The following GPR158 variants were observed in gnomAD, a reference collection of about 807,000 sequenced individuals.
GPR158 encodes the protein G protein-coupled receptor 158.
A neutral mutation model predicts 78.2 loss-of-function variants in GPR158; 30 were observed. The ratio of observed to expected loss-of-function variants is 0.38; its 90% CI spans 0.29 to 0.52. The LOEUF (loss-of-function observed/expected upper bound fraction) is 0.52, where lower values mean the gene tolerates loss of function less well. Among genes scored for constraint, GPR158 ranks in the 20% least tolerant of loss-of-function variants. GPR158 has a pLI of 0.83. For missense variants in GPR158, 1,463 were observed against 1,523.5 expected (o/e 0.96, Z 0.66); for synonymous variants, 581 against 591.1 (o/e 0.98, Z 0.25).
rs1854495865 is a variant in GPR158 at position 25,295,299 on chromosome 10, G to A, written c.1008+74142G>A. 3.9e-5 allele frequency among the ~76,000 whole-genome samples: 6 copies of A among 152,190 alleles called. No individual in the cohort carries two copies. In the South Asian group the frequency reaches 1.2e-3, roughly 32 times the overall value. On this transcript the variant is annotated intron_variant, in intron 2 of 10. Coordinates refer to ENST00000376351, the MANE Select transcript of GPR158 (RefSeq NM_020752.3). Reference sequence around the variant, plus strand: ...GTCTTATGTGGTCTCCTAGCTGGCAGCTCTACATGTATGCTTGCACTCTGT... The same window carrying A: ...GTCTTATGTGGTCTCCTAGCTGGCAACTCTACATGTATGCTTGCACTCTGT...
chr10:25,596,920 G>C, intron 10 of GPR158, 131 bp downstream of exon 10: 2 of 729,546 alleles, frequency 2.7e-6, no homozygotes, highest in Non-Finnish European at 4.6e-6. Context: ...CAGAAAGAGG[G>C]AATGTGTTTG....
At chr10:25,179,565 T>G (rs1387193025) in intron 1 of GPR158, among the ~76,000 whole-genome samples, 1 of 152,172 alleles carries the variant, frequency 6.6e-6, no homozygotes, top group Non-Finnish European at 1.5e-5. Flanking sequence ...AAATATCTTC[T>G]TATATTGCTG....
chr10:25,224,458 T>A (rs1853345666), intron 2 of GPR158, among the ~76,000 whole-genome samples: 1 of 151,476 alleles, frequency 6.6e-6, no homozygotes, highest in Non-Finnish European at 1.5e-5. Flanking sequence ...TTTACAAGAT[T>A]GAGATGAAGA....
intron 9 of GPR158, among the ~76,000 whole-genome samples, chr10:25,594,684 G>T (rs141596642): frequency 3.8e-4 from 57 of 151,984 alleles, no homozygotes; most frequent in African/African-American, 1.3e-3. Context: ...AGCTGTAACA[G>T]CAAGATCATT....
intron 4 of GPR158, among the ~76,000 whole-genome samples, chr10:25,452,484 C>T (rs970147840): frequency 6.6e-6 from 1 of 152,118 alleles, no homozygotes; most frequent in Non-Finnish European, 1.5e-5. Flanking sequence ...CTGTTCTGGA[C>T]CTTGAAGTGG....
chr10:25,319,058 A>G (rs997832403), intron 2 of GPR158, among the ~76,000 whole-genome samples: 1 of 152,160 alleles, frequency 6.6e-6, no homozygotes, highest in Non-Finnish European at 1.5e-5. Flanking sequence ...CTCCTACTTG[A>G]CTGGTCCAGA....
intron 2 of GPR158, among the ~76,000 whole-genome samples, chr10:25,379,158 A>T (rs751145917): frequency 6.6e-6 from 1 of 152,122 alleles, no homozygotes; most frequent in Non-Finnish European, 1.5e-5. Context: ...TATTATTACT[A>T]TTACCATCTT....
At position 25,600,487 on chromosome 10, in the gene GPR158, A is replaced by G. The variant is rs1254617415; in HGVS notation, c.*1213A>G. Reference sequence around the variant, plus strand: ...CACTTTCAAGGGATTATTTTTTTAAAGAGAAAAATTATGGTAGCATCAAGA... The same window carrying G: ...CACTTTCAAGGGATTATTTTTTTAAGGAGAAAAATTATGGTAGCATCAAGA... On this transcript the variant is annotated 3_prime_UTR_variant, in exon 11 of 11. Coordinates refer to ENST00000376351, the MANE Select transcript of GPR158 (RefSeq NM_020752.3). 6.6e-6 allele frequency: 1 copy of G among 152,246 alleles called. No individual in the cohort carries two copies. Among genetic ancestry groups the G allele is most frequent in the African/African-American group, 2.4e-5 (1 of 41,446 alleles). 9.4% of individuals were successfully genotyped at this position (152,246 alleles called of 1,614,324 possible).
chr10:25,334,603 G>A (rs1447261984), intron 2 of GPR158, among the ~76,000 whole-genome samples: 1 of 151,890 alleles, frequency 6.6e-6, no homozygotes, highest in Non-Finnish European at 1.5e-5. Context: ...AGGAACCAAG[G>A]TCTGAATGGG....
rs115591552 is a variant in GPR158 at position 25,386,945 on chromosome 10, T to A, written c.1009-8966T>A. ...ACAAAGATAATTTTACTTTTTAATT[T>A]CCTTTTTGGATGCCCTTTAGTTTTT... On this transcript the variant is annotated intron_variant, in intron 2 of 10. Transcript: ENST00000376351. Among the ~76,000 whole-genome samples the A allele has an allele frequency of 4.6e-3, 701 of 152,292 alleles. 9 individuals are homozygous for A. Among genetic ancestry groups the A allele is most frequent in the African/African-American group, 0.016 (664 of 41,556 alleles).
Position 25,433,690 on chromosome 10 carries a change from C to CTTTTTTTTTT in GPR158, c.1335+21220_1335+21221insTTTTTTTTTT, listed in dbSNP as rs776105443. 1.4e-4 allele frequency among the ~76,000 whole-genome samples: 13 copies of CTTTTTTTTTT among 93,252 alleles called. 2 individuals are homozygous for CTTTTTTTTTT. The highest frequency in any genetic ancestry group is 2.5e-4 in the Non-Finnish European group (11 of 43,294). 61.2% of individuals were successfully genotyped at this position (93,252 alleles called of 152,430 possible). A position where few individuals can be genotyped will look rare whatever the true frequency, so the allele number is the denominator to read the frequency against. ...GGCATTTTCCTTTCTTTCTTTCTTT[C>CTTTTTTTTTT]TTTCTTTTTTTTTTTTTTTTTGGTA... On this transcript the variant is annotated intron_variant, in intron 4 of 10. Transcript: ENST00000376351.
At chr10:25,510,956 T>C (rs1322478239) in intron 5 of GPR158, among the ~76,000 whole-genome samples, 1 of 152,364 alleles carries the variant, frequency 6.6e-6, no homozygotes, top group African/African-American at 2.4e-5. Context: ...TTGATGGGCA[T>C]ATGGGCAGGT....
At chr10:25,251,747 T>C (rs1334842305) in intron 2 of GPR158, among the ~76,000 whole-genome samples, 2 of 151,750 alleles carry the variant, frequency 1.3e-5, no homozygotes, top group Admixed American at 6.6e-5. Context: ...GCCCTTAGCA[T>C]TTTTTCCTTC....
At chr10:25,242,309 G>A (rs969608453) in intron 2 of GPR158, among the ~76,000 whole-genome samples, 24 of 152,334 alleles carry the variant, frequency 1.6e-4, no homozygotes, top group African/African-American at 5.3e-4. Context: ...TCTAGATGGT[G>A]TAAAAGCTGG....
At chr10:25,333,377 T>G (rs1455375332) in intron 2 of GPR158, among the ~76,000 whole-genome samples, 1 of 152,192 alleles carries the variant, frequency 6.6e-6, no homozygotes, top group Non-Finnish European at 1.5e-5. Flanking sequence ...TGGTTCATTT[T>G]TTAGGTATCC....
chr10:25,471,003 C>G (rs1206611946), intron 5 of GPR158, among the ~76,000 whole-genome samples: 1 of 151,918 alleles, frequency 6.6e-6, no homozygotes, highest in Non-Finnish European at 1.5e-5. Flanking sequence ...TACATATGCA[C>G]AATGTGCAGG....
chr10:25,586,677 T>C (rs560787752), intron 7 of GPR158, among the ~76,000 whole-genome samples: 5 of 152,212 alleles, frequency 3.3e-5, no homozygotes, highest in Admixed American at 3.3e-4. Flanking sequence ...CCTCTCAAAG[T>C]GCTGGGATTA....
At chr10:25,334,699 T>G (rs76768558) in intron 2 of GPR158, among the ~76,000 whole-genome samples, 5,638 of 152,120 alleles carry the variant, frequency 0.037, 348 homozygotes, top group African/African-American at 0.13. Flanking sequence ...GACCCAGTTC[T>G]CCTTGTAAGA....
chr10:25,581,823 T>C (rs1198178611), intron 7 of GPR158, among the ~76,000 whole-genome samples: 9 of 152,032 alleles, frequency 5.9e-5, no homozygotes, highest in Non-Finnish European at 1.2e-4. Flanking sequence ...ACAATACCCA[T>C]GCAAATGACA....
Sources: allele counts gnomAD v4.1 joint callset (sites outside exome capture counted in the v4.1 genomes callset), GRCh38; gene constraint gnomAD v4.1.1; transcripts MANE v1.5; gene names NCBI Gene and HGNC (gene_info 2026-07-23, HGNC 2026-07-21).